ABI3BP: variants seen among roughly 807,000 people sequenced by gnomAD.
ABI3BP encodes the protein target of Nesh-SH3.
Under a neutral mutation model 268.6 loss-of-function variants are expected in ABI3BP, and 216 were observed. The ratio of observed to expected loss-of-function variants is 0.80; its 90% CI spans 0.72 to 0.90. The LOEUF is 0.90. Among genes scored for constraint, ABI3BP ranks in the 40% least tolerant of loss-of-function variants. ABI3BP has a pLI of 0.00. For missense variants in ABI3BP, 2,090 were observed against 2,182.4 expected (o/e 0.96, Z 0.84); for synonymous variants, 730 against 730.0 (o/e 1.00, Z 0.00).
intron 34 of ABI3BP, among the ~76,000 whole-genome samples, chr3:100,826,606 T>C (rs369817654): frequency 6.6e-6 from 1 of 152,200 alleles, no homozygotes; most frequent in African/African-American, 2.4e-5. Flanking sequence ...TATATGTTTA[T>C]CAAATTATGG....
Position 100,841,989 on chromosome 3 carries a change from C to T in ABI3BP, c.1765+9G>A, listed in dbSNP as rs1252144515. 2 of 1,528,262 alleles carry T rather than the reference C, an allele frequency of 1.3e-6. No homozygotes were observed. Among genetic ancestry groups the T allele is most frequent in the African/African-American group, 2.8e-5 (2 of 72,668 alleles). 94.7% of individuals were successfully genotyped at this position (1,528,262 alleles called of 1,614,324 possible). On this transcript the variant is annotated intron_variant, in intron 21 of 67. Coordinates refer to ENST00000471714, the MANE Select transcript of ABI3BP (RefSeq NM_001375547.2). ...CTTTGTTTTCACTCATTAAAAAAAG[C>T]TTTATTACCTATTGTTGACTGTGAT...
chr3:100,923,035 A>G (rs1031030836), intron 2 of ABI3BP, among the ~76,000 whole-genome samples: 1 of 152,230 alleles, frequency 6.6e-6, no homozygotes, highest in Admixed American at 6.5e-5. Flanking sequence ...CGGAAAAGGA[A>G]ATATGTACGA....
At chr3:100,799,640 G>A (rs1420948331) in intron 51 of ABI3BP, among the ~76,000 whole-genome samples, 1 of 151,962 alleles carries the variant, frequency 6.6e-6, no homozygotes, top group Non-Finnish European at 1.5e-5. Flanking sequence ...GCCTTTTCCT[G>A]CCTCATCTCC....
chr3:100,902,580 T>G, intron 3 of ABI3BP, 38 bp downstream of exon 3: 1 of 1,594,900 alleles, frequency 6.3e-7, no homozygotes, highest in South Asian at 1.1e-5. Context: ...TGGTTCAAAG[T>G]TCATAAAAGA....
chr3:100,759,803 A>G (rs1317053913), intron 63 of ABI3BP, among the ~76,000 whole-genome samples: 2 of 152,202 alleles, frequency 1.3e-5, no homozygotes, highest in Non-Finnish European at 2.9e-5. Flanking sequence ...CAAGGAAGGA[A>G]TTGGTCTGCT....
rs1251162938 is a variant in ABI3BP, at chr3:100,780,233, G to A, written c.4163-24C>T. The stretch of plus-strand genomic sequence containing the variant: ...CCCTATGAGCAGAGATAATGAAAGG[G>A]AATAAACATATAGCAAAAATGTTCC... On this transcript the variant is annotated intron_variant, in intron 57 of 67. Transcript: ENST00000471714. 5.6e-6 allele frequency: 9 copies of A among 1,604,802 alleles called. 1 individual carries two copies. The highest frequency in any genetic ancestry group is 5.4e-5 in the African/African-American group (4 of 74,514).
intron 31 of ABI3BP, among the ~76,000 whole-genome samples, chr3:100,831,126 C>G (rs554407404): frequency 6.6e-6 from 1 of 152,148 alleles, no homozygotes; most frequent in Admixed American, 6.6e-5. Flanking sequence ...GGTGTTAACA[C>G]CTTTGAGTCA....
Position 100,863,986 on chromosome 3 carries a change from A to G in ABI3BP, c.1138+16T>C. 1 of 1,480,828 alleles carries G rather than the reference A, an allele frequency of 6.8e-7. No individual in the cohort carries two copies. Among genetic ancestry groups the G allele is most frequent in the Non-Finnish European group, 9.1e-7 (1 of 1,096,554 alleles). The allele number at this position is 1,480,828 out of a possible 1,614,324, so 91.7% of individuals were successfully genotyped here. The stretch of plus-strand genomic sequence containing the variant: ...TCCAAGGTAATAATAAAGCTGCAGT[A>G]TTTATTATTTTTTACCTAGAGTGCT... On this transcript the variant is annotated intron_variant, in intron 12 of 67. Transcript: ENST00000471714.
chr3:100,851,533 AC>A (rs1220114156), intron 15 of ABI3BP, among the ~76,000 whole-genome samples: 1 of 152,000 alleles, frequency 6.6e-6, no homozygotes, highest in East Asian at 1.9e-4. Context: ...GTTGAAAATT[AC>A]CCCCCATTTG....
At chr3:100,899,671 A>T (rs1176864139) in intron 3 of ABI3BP, among the ~76,000 whole-genome samples, 1 of 152,220 alleles carries the variant, frequency 6.6e-6, no homozygotes, top group Non-Finnish European at 1.5e-5. Flanking sequence ...AAACAGGAAG[A>T]ACCTCAACCA....
chr3:100,759,225 C>T (rs1294073187), intron 63 of ABI3BP, among the ~76,000 whole-genome samples: 2 of 151,944 alleles, frequency 1.3e-5, no homozygotes, highest in Non-Finnish European at 2.9e-5. Context: ...AATATTTGAT[C>T]CCCATTCAGG....
intron 1 of ABI3BP, among the ~76,000 whole-genome samples, chr3:100,930,530 C>T (rs1476890300): frequency 6.6e-6 from 1 of 151,894 alleles, no homozygotes; most frequent in African/African-American, 2.4e-5. Flanking sequence ...CCACTGATCC[C>T]ACAGAAATCC....
chr3:100,797,276 G>A (rs1300035917), intron 51 of ABI3BP, among the ~76,000 whole-genome samples: 1 of 152,016 alleles, frequency 6.6e-6, no homozygotes, highest in Non-Finnish European at 1.5e-5. Context: ...ACTTGGTACC[G>A]TATTTCTCAG....
intron 1 of ABI3BP, among the ~76,000 whole-genome samples, chr3:100,947,850 T>C (rs2073212918): frequency 6.6e-6 from 1 of 151,994 alleles, no homozygotes; most frequent in African/African-American, 2.4e-5. Context: ...AAGGGAACAC[T>C]AGAGGGAAAA....
intron 38 of ABI3BP, among the ~76,000 whole-genome samples, chr3:100,821,463 G>GT (rs1340901145): frequency 2.0e-5 from 3 of 152,130 alleles, no homozygotes; most frequent in Non-Finnish European, 2.9e-5. Flanking sequence ...ATGCCTTCAT[G>GT]TGGAAAGAAC....
intron 51 of ABI3BP, among the ~76,000 whole-genome samples, chr3:100,797,562 GT>G (rs575648416): frequency 0.34 from 43,428 of 129,600 alleles, 7,226 homozygotes; most frequent in African/African-American, 0.5. Context: ...TGAAGAAACT[GT>G]TTTTTTTTTT....
At chr3:100,951,496 C>T (rs1214135445) in intron 1 of ABI3BP, among the ~76,000 whole-genome samples, 1 of 151,896 alleles carries the variant, frequency 6.6e-6, no homozygotes, top group Admixed American at 6.6e-5. Context: ...ATATCTTAAC[C>T]TCTATTTCTG....
chr3:100,931,994 G>A (rs936058619), intron 1 of ABI3BP, among the ~76,000 whole-genome samples: 2 of 151,914 alleles, frequency 1.3e-5, no homozygotes, highest in African/African-American at 4.8e-5. Context: ...CATGGTACTA[G>A]TACAAAAACA....
rs115663046 is a variant in ABI3BP, at chr3:100,920,273, G to A, written c.259+6029C>T. Among the ~76,000 whole-genome samples, 812 of 152,276 alleles carry A rather than the reference G, an allele frequency of 5.3e-3. 9 individuals are homozygous for A. Among genetic ancestry groups the A allele is most frequent in the African/African-American group, 0.019 (780 of 41,558 alleles). The stretch of plus-strand genomic sequence containing the variant: ...CTTAGAGCTGGCCAGAACTTTAGTG[G>A]AAAGTTAACCCAATAGTTATTAGCA... On this transcript the variant is annotated intron_variant, in intron 2 of 67. Transcript: ENST00000471714.
Sources: allele counts gnomAD v4.1 joint callset (sites outside exome capture counted in the v4.1 genomes callset), GRCh38; gene constraint gnomAD v4.1.1; transcripts MANE v1.5; gene names NCBI Gene and HGNC (gene_info 2026-07-23, HGNC 2026-07-21).